The following ATP11A variants were observed in gnomAD, a reference collection of about 807,000 sequenced individuals.
ATP11A encodes phospholipid-transporting ATPase IH.
ATP11A carries 81 observed loss-of-function variants against 154.4 expected under a neutral mutation model. That is an observed-to-expected ratio of 0.52 (90% CI 0.44 to 0.63). The LOEUF (loss-of-function observed/expected upper bound fraction) is 0.63. Ranked by LOEUF, ATP11A falls within the 30% of genes least tolerant of loss-of-function variation. The probability of loss-of-function intolerance (pLI) is 0.00; values close to 1 mark genes in which losing one functional copy is unlikely to be tolerated. For missense variants in ATP11A, 1,316 were observed against 1,474.3 expected (o/e 0.89, Z 1.76); for synonymous variants, 623 against 585.9 (o/e 1.06, Z -0.91).
intron 1 of ATP11A, among the ~76,000 whole-genome samples, chr13:112,784,563 C>G (rs573031635): frequency 3.4e-4 from 52 of 151,192 alleles, no homozygotes; most frequent in Admixed American, 1.1e-3. Context: ...TCGCTCTGTC[C>G]CCCAGGCTGG....
chr13:112,743,932 A>G lies in ATP11A; in HGVS notation c.40-41203A>G, dbSNP rs145227183. Among the ~76,000 whole-genome samples, 118 of 152,328 alleles carry G rather than the reference A, an allele frequency of 7.7e-4. 1 individual carries two copies. The highest frequency in any genetic ancestry group is 1.7e-3 in the Admixed American group (26 of 15,300). On this transcript the variant is annotated intron_variant, in intron 1 of 29. Coordinates refer to ENST00000375645, the MANE Select transcript of ATP11A (RefSeq NM_015205.3). ...GGAAAAAGGGGAGTTGTGCATTTGT[A>G]AAGTATTTGGTTTTGATTGAACCAA...
At chr13:112,780,854 T>C (rs2077480901) in intron 1 of ATP11A, among the ~76,000 whole-genome samples, 1 of 152,080 alleles carries the variant, frequency 6.6e-6, no homozygotes, top group South Asian at 2.1e-4. Flanking sequence ...CCTCTGGCCG[T>C]GGGTGGGTTC....
At position 112,869,914 on chromosome 13, in the gene ATP11A, G is replaced by A. The variant is rs552306196; in HGVS notation, c.2992-1821G>A. Among the ~76,000 whole-genome samples, 54 of 152,338 alleles carry A rather than the reference G, an allele frequency of 3.5e-4. No individual in the cohort carries two copies. In the South Asian group the frequency reaches 0.011, roughly 31 times the overall value. ...ACAGGCTTCTCACCCGGGCTCTGCT[G>A]ACATTGGGGCCAGATGTACATCCTC... On this transcript the variant is annotated intron_variant, in intron 25 of 29. Coordinates refer to ENST00000375645, the MANE Select transcript of ATP11A (RefSeq NM_015205.3).
intron 17 of ATP11A, 127 bp downstream of exon 17, chr13:112,842,506 G>C: frequency 2.5e-6 from 2 of 809,058 alleles, no homozygotes; most frequent in Non-Finnish European, 4.0e-6. Context: ...TTAGAAATCA[G>C]CTGGGCCAGA....
At chr13:112,861,435 A>G (rs2080100221) in intron 24 of ATP11A, among the ~76,000 whole-genome samples, 1 of 152,198 alleles carries the variant, frequency 6.6e-6, no homozygotes, top group Non-Finnish European at 1.5e-5. Context: ...CAGTGTACTG[A>G]TGTTGGTGCC....
In ATP11A at chr13:112,697,390, CT is replaced by C. The variant is rs113814913; in HGVS notation, c.39+6936del. ...CACAGAAAAGCCACGCAGAAAACAG[CT>C]GCTGGGCCAACACCGAGACCCCAGG... is the stretch of plus-strand genomic sequence containing the variant. On this transcript the variant is annotated intron_variant, in intron 1 of 29. Transcript: ENST00000375645. The surrounding 1 kb of genome is among the most constrained non-coding windows in gnomAD (Gnocchi z 4.0). Among the ~76,000 whole-genome samples the C allele has an allele frequency of 1.7e-4, 26 of 151,782 alleles. No homozygotes were observed. The highest frequency in any genetic ancestry group is 6.3e-4 in the African/African-American group (26 of 41,374).
intron 1 of ATP11A, among the ~76,000 whole-genome samples, chr13:112,784,363 A>C (rs1440173811): frequency 6.6e-6 from 1 of 152,028 alleles, no homozygotes; most frequent in Non-Finnish European, 1.5e-5. Context: ...CCCTGTTTTC[A>C]CCAGTCCTCA....
intron 18 of ATP11A, among the ~76,000 whole-genome samples, chr13:112,852,508 T>C (rs2079795232): frequency 1.3e-5 from 2 of 152,200 alleles, no homozygotes; most frequent in Admixed American, 1.3e-4. Flanking sequence ...TGGGAAGGCT[T>C]CAGAGCGCAG....
chr13:112,721,143 G>A (rs1889129707), intron 1 of ATP11A, among the ~76,000 whole-genome samples: 1 of 152,204 alleles, frequency 6.6e-6, no homozygotes, highest in Admixed American at 6.5e-5. Context: ...AAGGGTCTGG[G>A]TTGTAAATCA....
rs1374859883 is a variant in ATP11A at position 112,859,862 on chromosome 13, T to C, written c.2727+410T>C. ...CGTGCCCATAGGGGAAGAAGACAGT[T>C]CCCATCCGGGAGGGGTGAAGGACTC... On this transcript the variant is annotated intron_variant, in intron 23 of 29. Transcript: ENST00000375645. This position sits in a 1 kb window ranked among gnomAD's most constrained non-coding sequence, Gnocchi z 4.3. Among the ~76,000 whole-genome samples the C allele has an allele frequency of 2.0e-5, 3 of 152,114 alleles. No individual in the cohort carries two copies. The highest frequency in any genetic ancestry group is 4.4e-5 in the Non-Finnish European group (3 of 68,008).
At chr13:112,788,106 G>C (rs2077709397) in intron 2 of ATP11A, among the ~76,000 whole-genome samples, 1 of 150,354 alleles carries the variant, frequency 6.7e-6, no homozygotes, top group Admixed American at 6.6e-5. Context: ...GTAGACCCCT[G>C]TGTAGACCTA....
intron 1 of ATP11A, among the ~76,000 whole-genome samples, chr13:112,741,431 G>A (rs989296519): frequency 1.3e-5 from 2 of 152,178 alleles, no homozygotes; most frequent in African/African-American, 2.4e-5. Context: ...CGGTCCCTGC[G>A]GGGCTGTGGG....
chr13:112,825,908 A>G (rs560630262), intron 11 of ATP11A, among the ~76,000 whole-genome samples: 1 of 152,340 alleles, frequency 6.6e-6, no homozygotes, highest in African/African-American at 2.4e-5. Flanking sequence ...ATTTGTGGTA[A>G]ATACTTGGAA....
rs1406337207 is a variant in ATP11A, at chr13:112,746,034, G to A, written c.40-39101G>A. On this transcript the variant is annotated intron_variant, in intron 1 of 29. Coordinates refer to ENST00000375645, the MANE Select transcript of ATP11A (RefSeq NM_015205.3). This position sits in a 1 kb window ranked among gnomAD's most constrained non-coding sequence, Gnocchi z 4.1. ...GACTCATCCTGTGTCGTTTTGTGGC[G>A]GAATCACGTTCTGTTGTGTGTATAC... 6.6e-6 allele frequency: 1 copy of A among 152,066 alleles called. No homozygotes were observed. The highest frequency in any genetic ancestry group is 2.4e-5 in the African/African-American group (1 of 41,362). 9.4% of individuals were successfully genotyped at this position (152,066 alleles called of 1,614,324 possible). A position where few individuals can be genotyped will look rare whatever the true frequency, so the allele number is the denominator to read the frequency against.
chr13:112,851,171 A>G lies in ATP11A; in HGVS notation c.1944A>G (p.Gln648=), dbSNP rs776644982. 6.8e-6 allele frequency: 11 copies of G among 1,614,226 alleles called. No homozygotes were observed. In the South Asian group the frequency reaches 1.1e-4, roughly 16 times the overall value. The change falls in exon 18 of 30, where the codon CAA becomes CAG. Residue 648 remains glutamine (Q), a synonymous_variant. Transcript: ENST00000375645. ...REKKLAEAYE[Q]IEKDLTLLGA... ...AAAAGTTAGCAGAAGCCTATGAGCA[A>G]ATAGAGAAAGATCTTACTCTGCTTG...
intron 5 of ATP11A, among the ~76,000 whole-genome samples, chr13:112,814,182 G>C (rs546653046): frequency 1.1e-4 from 16 of 152,146 alleles, no homozygotes; most frequent in African/African-American, 3.6e-4. Context: ...TCCTGCCTCA[G>C]CCTCCCAAGT....
chr13:112,843,516 G>C (rs1361431071), intron 17 of ATP11A, among the ~76,000 whole-genome samples: 1 of 152,138 alleles, frequency 6.6e-6, no homozygotes, highest in Admixed American at 6.5e-5. Flanking sequence ...TCTCCTCCCA[G>C]AGGTCCAAAA....
In ATP11A at chr13:112,819,942, C is replaced by T. The variant is rs369746350; in HGVS notation, c.717C>T (p.Pro239=). The change falls in exon 8 of 30, where the codon CCC becomes CCT. Residue 239 remains proline, a synonymous_variant. Coordinates refer to ENST00000375645, the MANE Select transcript of ATP11A (RefSeq NM_015205.3). ...RINVYSDLND[P]VVRPLGSENL... ...ACGTTTACAGTGACCTGAATGACCC[C>T]GTGGTGAGGTGAGTGCCTCTGCGGA... 18 of 1,607,238 alleles carry T rather than the reference C, an allele frequency of 1.1e-5. No individual in the cohort carries two copies. Among genetic ancestry groups the T allele is most frequent in the African/African-American group, 6.7e-5 (5 of 74,630 alleles).
intron 1 of ATP11A, among the ~76,000 whole-genome samples, chr13:112,738,442 C>T (rs1051558377): frequency 6.6e-6 from 1 of 152,192 alleles, no homozygotes; most frequent in Admixed American, 6.5e-5. Context: ...TACCCCTCTG[C>T]TCGTAGAGTA....
Sources: gnomAD v4.1 joint callset for allele counts (sites outside exome capture counted in the v4.1 genomes callset) on GRCh38, gnomAD v4.1.1 for gene constraint, Gnocchi (gnomAD v3.1) non-coding constraint, MANE v1.5 for transcripts, NCBI Gene and HGNC (gene_info 2026-07-23, HGNC 2026-07-21) for gene names.